POU5F1B: variants seen among roughly 807,000 people sequenced by gnomAD.
The protein encoded by POU5F1B is POU domain, class 5, transcription factor 1B.
POU5F1B carries 24 observed loss-of-function variants against 28.1 expected under a neutral mutation model. The observed-to-expected ratio is 0.85, with a 90% confidence interval of 0.62 to 1.20. The LOEUF (loss-of-function observed/expected upper bound fraction) is 1.20. POU5F1B is among the 50% of genes most tolerant of loss of function. The probability of loss-of-function intolerance (pLI) is 0.00; values close to 1 mark genes in which losing one functional copy is unlikely to be tolerated. For missense variants in POU5F1B, 451 were observed against 451.5 expected, an observed-to-expected ratio of 1.00 and a Z score of 0.01; for synonymous variants, 220 against 193.2, an observed-to-expected ratio of 1.14 and a Z score of -1.15.
exon 3 of POU5F1B, chr8:127,416,113 G>T (rs756839675): frequency 1.9e-6 from 3 of 1,613,384 alleles, no homozygotes; most frequent in Non-Finnish European, 2.5e-6. Context: ...GGTTGGAGTG[G>T]GGCTAGTGCC....
exon 3 of POU5F1B, chr8:127,416,027 G>A (rs1385260212): frequency 6.2e-7 from 1 of 1,603,370 alleles, no homozygotes; most frequent in Middle Eastern, 1.8e-4. Flanking sequence ...GTTGGGCCAG[G>A]CTCTGAGGTG....
chr8:127,415,768 C>A, exon 3 of POU5F1B: 4 of 1,442,618 alleles, frequency 2.8e-6, no homozygotes, highest in Non-Finnish European at 9.1e-7. Context: ...TGCTAGTGAG[C>A]GTATGACACA....
rs1322929262 is a variant in POU5F1B, at chr8:127,416,566, C to T, written c.700C>T (p.Arg234Ter). ...CCTCATGCAGGCCCGAAAGAGAAAG[C>T]GAACCAGTATCGAGAACCGAGTGAG... Residue 234 changes from arginine to a stop codon, truncating the protein, a stop_gained, in exon 3 of 3, where the codon CGA (arginine) becomes TGA (stop). Coordinates refer to ENST00000465342, the Ensembl canonical transcript of POU5F1B. LOFTEE classifies it high-confidence loss of function. 4 of 1,606,084 alleles carry T rather than the reference C, an allele frequency of 2.5e-6. No individual in the cohort carries two copies. Among genetic ancestry groups the T allele is most frequent in the South Asian group, 1.1e-5 (1 of 89,616 alleles).
exon 3 of POU5F1B, chr8:127,417,194 T>TA (rs71303488): frequency 0.14 from 35,112 of 245,210 alleles, 1,370 homozygotes; most frequent in African/African-American, 0.19. Context: ...TGGGACACAG[T>TA]AAAAAAAAAA....
exon 3 of POU5F1B, chr8:127,415,466 C>A: frequency 5.7e-6 from 1 of 174,464 alleles, no homozygotes; most frequent in Admixed American, 6.2e-5. Context: ...GAAAGAAGGA[C>A]ACACCATTCC....
exon 3 of POU5F1B, chr8:127,415,662 T>C (rs1470044082): frequency 2.5e-6 from 2 of 799,978 alleles, no homozygotes; most frequent in African/African-American, 1.8e-5. Flanking sequence ...ATAATAATTG[T>C]CAATTCACAG....
At chr8:127,415,078 A>T (rs901052283) in intron 2 of POU5F1B, 6 of 152,226 alleles carry the variant, frequency 3.9e-5, no homozygotes, top group African/African-American at 1.4e-4. Context: ...CTCCCAGATG[A>T]CAACATCCCC....
rs1325982925 is a variant in POU5F1B, at chr8:127,417,057, G to A, written c.*111G>A. The A allele has an allele frequency of 1.0e-5, 15 of 1,485,948 alleles. No individual in the cohort carries two copies. The Admixed American group carries it at 2.9e-4, about 29-fold the overall frequency. 92.0% of individuals were successfully genotyped at this position (1,485,948 alleles called of 1,614,324 possible). ...TTAAGTTCTTCATTCACTAAGGAAGGAATTGGGAACACTAAGGGTGGGGGC... is the reference window on the plus strand; with the variant it reads ...TTAAGTTCTTCATTCACTAAGGAAGAAATTGGGAACACTAAGGGTGGGGGC... On this transcript the variant is annotated 3_prime_UTR_variant, in exon 3 of 3. Coordinates refer to ENST00000465342, the Ensembl canonical transcript of POU5F1B.
At chr8:127,414,641 A>G (rs533126283) in intron 1 of POU5F1B, among the ~76,000 whole-genome samples, 1 of 152,344 alleles carries the variant, frequency 6.6e-6, no homozygotes, top group South Asian at 2.1e-4. Context: ...CAATCCCTTT[A>G]AGAAATGGAC....
intron 1 of POU5F1B, chr8:127,414,840 T>G (rs1815107009): frequency 6.6e-6 from 1 of 152,250 alleles, no homozygotes; most frequent in African/African-American, 2.4e-5. Context: ...TTTCAGAGAC[T>G]AGGTCATAAA....
chr8:127,414,172 C>T (rs923424470), intron 1 of POU5F1B, among the ~76,000 whole-genome samples: 14 of 152,188 alleles, frequency 9.2e-5, no homozygotes, highest in African/African-American at 3.4e-4. Context: ...AGAATTTGAG[C>T]AAGACTGAAG....
At chr8:127,414,768 C>A (rs1053515621) in intron 1 of POU5F1B, 1 of 152,210 alleles carries the variant, frequency 6.6e-6, no homozygotes, top group Non-Finnish European at 1.5e-5. Context: ...AGGCTAATTA[C>A]CCTCCTACAG....
Position 127,416,554 on chromosome 8 carries a change from C to G in POU5F1B, c.688C>G (p.Arg230Gly). 1.9e-6 allele frequency: 3 copies of G among 1,606,228 alleles called. No homozygotes were observed. The South Asian group carries it at 3.3e-5, about 18-fold the overall frequency. ...CAAAGCAGAAACCCTCATGCAGGCCCGAAAGAGAAAGCGAACCAGTATCGA... is the reference window on the plus strand; with the variant it reads ...CAAAGCAGAAACCCTCATGCAGGCCGGAAAGAGAAAGCGAACCAGTATCGA... Residue 230 changes from arginine (R) to glycine (G), a missense_variant, in exon 3 of 3, where the codon CGA (arginine) becomes GGA (glycine). Around this residue, in one of 3 missense-constraint regions of POU5F1B, gnomAD observed 213 missense variants for 220.4 expected, o/e 0.97. Coordinates refer to ENST00000465342, the Ensembl canonical transcript of POU5F1B.
exon 3 of POU5F1B, chr8:127,416,877 T>C: frequency 6.2e-7 from 1 of 1,600,712 alleles, no homozygotes; most frequent in Non-Finnish European, 8.5e-7. Flanking sequence ...CCTCAGTCCC[T>C]TTCCCTGAGG....
chr8:127,415,907 C>G, exon 3 of POU5F1B: 6 of 1,545,790 alleles, frequency 3.9e-6, no homozygotes, highest in Non-Finnish European at 5.2e-6. Context: ...TTCTCGCCCC[C>G]TCCAGGCGGT....
exon 3 of POU5F1B, chr8:127,417,051 A>G: frequency 6.6e-7 from 1 of 1,515,750 alleles, no homozygotes; most frequent in South Asian, 1.2e-5. Flanking sequence ...TCATTCACTA[A>G]GGAAGGAATT....
exon 3 of POU5F1B, chr8:127,416,451 G>A: frequency 6.2e-7 from 1 of 1,609,006 alleles, no homozygotes; most frequent in Non-Finnish European, 8.5e-7. Flanking sequence ...TTAGCTTCAA[G>A]AACATGTGTA....
At chr8:127,415,987 C>A (rs1231395535) in exon 3 of POU5F1B, 2 of 1,587,438 alleles carry the variant, frequency 1.3e-6, no homozygotes, top group Non-Finnish European at 8.6e-7. Context: ...CTTCCAAGGC[C>A]CTCCTGGAGG....
chr8:127,415,927 G>A, exon 3 of POU5F1B: 2 of 1,551,700 alleles, frequency 1.3e-6, no homozygotes, highest in Non-Finnish European at 1.7e-6. Context: ...TGGGGGTGAT[G>A]GGCCATGGGG....
Sources: gnomAD v4.1 joint callset for allele counts (sites outside exome capture counted in the v4.1 genomes callset) on GRCh38, gnomAD v4.1.1 for gene constraint, gnomAD v4.1.1 regional missense constraint, MANE v1.5 for transcripts, NCBI Gene and HGNC (gene_info 2026-07-23, HGNC 2026-07-21) for gene names.